Variants in LRBA observed in about 807,000 individuals in gnomAD.
LRBA encodes LPS responsive beige-like anchor protein, also known as lipopolysaccharide-responsive and beige-like anchor protein.
LRBA carries 176 observed loss-of-function variants against 330.0 expected under a neutral mutation model. The observed-to-expected ratio is 0.53, with a 90% confidence interval of 0.47 to 0.60. LRBA has a LOEUF of 0.60. Among genes scored for constraint, LRBA ranks in the 20% least tolerant of loss-of-function variants. The pLI is 0.00. For synonymous variants in LRBA, 1,230 were observed against 1,193.0 expected (o/e 1.03, Z -0.64); for missense variants, 3,259 against 3,444.8 (o/e 0.95, Z 1.35).
intron 48 of LRBA, among the ~76,000 whole-genome samples, chr4:150,331,075 A>C (rs1733934490): frequency 6.6e-6 from 1 of 152,172 alleles, no homozygotes; most frequent in African/African-American, 2.4e-5. Flanking sequence ...TCATTTCTTC[A>C]GATCCAGCAT....
chr4:150,296,033 G>T (rs1337950709), intron 53 of LRBA, among the ~76,000 whole-genome samples: 4 of 152,094 alleles, frequency 2.6e-5, no homozygotes, highest in Admixed American at 6.5e-5. Context: ...TTGCTGAAGT[G>T]AAATCTTATT....
chr4:150,635,362 AAT>A (rs1272906067), intron 37 of LRBA, among the ~76,000 whole-genome samples: 1 of 152,188 alleles, frequency 6.6e-6, no homozygotes, highest in African/African-American at 2.4e-5. Flanking sequence ...TGCTTACCCA[AAT>A]ATATGTTAAT....
chr4:150,515,960 T>C (rs915186960), intron 40 of LRBA, among the ~76,000 whole-genome samples: 2 of 151,930 alleles, frequency 1.3e-5, no homozygotes, highest in Admixed American at 1.3e-4. Flanking sequence ...GAAAATACCA[T>C]TAAAATGTAA....
At chr4:150,957,517 CA>C (rs1384804879) in intron 2 of LRBA, among the ~76,000 whole-genome samples, 3 of 148,364 alleles carry the variant, frequency 2.0e-5, no homozygotes, top group Non-Finnish European at 4.4e-5. Context: ...GGGACACAGC[CA>C]AACCATATCA....
chr4:150,300,347 T>C (rs1580943759), intron 53 of LRBA, among the ~76,000 whole-genome samples: 1 of 152,106 alleles, frequency 6.6e-6, no homozygotes, highest in South Asian at 2.1e-4. Flanking sequence ...TGTTATATTA[T>C]TCTTTTATTG....
intron 2 of LRBA, among the ~76,000 whole-genome samples, chr4:150,953,954 G>A (rs1439339430): frequency 7.5e-4 from 22 of 29,302 alleles, no homozygotes; most frequent in Admixed American, 1.9e-3. Flanking sequence ...CTGGGATGTG[G>A]GGAGCGCCTC....
chr4:150,609,612 G>A (rs987411683), intron 37 of LRBA, among the ~76,000 whole-genome samples: 12 of 152,138 alleles, frequency 7.9e-5, no homozygotes, highest in Non-Finnish European at 1.6e-4. Flanking sequence ...ACAGATACAT[G>A]GATTACTGGT....
intron 48 of LRBA, among the ~76,000 whole-genome samples, chr4:150,344,088 GTCTGACATGCTTCCC>G (rs1735946544): frequency 6.6e-6 from 1 of 152,034 alleles, no homozygotes; most frequent in Non-Finnish European, 1.5e-5. Context: ...TCTCCTGCAT[GTCTGACATGCTTCCC>G]TCCTTTTGGA....
chr4:150,646,016 G>A (rs970696019), intron 37 of LRBA, among the ~76,000 whole-genome samples: 1 of 151,112 alleles, frequency 6.6e-6, no homozygotes, highest in Non-Finnish European at 1.5e-5. Context: ...TTGTTACACA[G>A]GTATTTATAT....
At chr4:150,440,646 T>C (rs997169505) in intron 44 of LRBA, among the ~76,000 whole-genome samples, 2 of 151,888 alleles carry the variant, frequency 1.3e-5, no homozygotes, top group African/African-American at 2.4e-5. Context: ...TGGTGGTGTA[T>C]GCCTATAGTC....
chr4:150,998,075 G>C (rs1308414179), intron 2 of LRBA, among the ~76,000 whole-genome samples: 1 of 151,794 alleles, frequency 6.6e-6, no homozygotes, highest in Non-Finnish European at 1.5e-5. Flanking sequence ...GTCTCGGCCG[G>C]GCACGGTGGC....
chr4:150,549,515 T>G (rs1766311350), intron 40 of LRBA, among the ~76,000 whole-genome samples: 1 of 152,018 alleles, frequency 6.6e-6, no homozygotes. Flanking sequence ...GTATTTTTAG[T>G]AGAGACAGGG....
chr4:150,470,595 T>G (rs1755978578), intron 43 of LRBA, among the ~76,000 whole-genome samples: 1 of 152,124 alleles, frequency 6.6e-6, no homozygotes, highest in South Asian at 2.1e-4. Context: ...CTAGAAAGTC[T>G]GCCGGCACAG....
chr4:150,540,288 C>T (rs569729769), intron 40 of LRBA, among the ~76,000 whole-genome samples: 4 of 152,240 alleles, frequency 2.6e-5, no homozygotes, highest in Admixed American at 6.5e-5. Flanking sequence ...GGCGCGATCT[C>T]GGCTCACTGC....
At chr4:150,286,687 G>A (rs1303243277) in intron 53 of LRBA, among the ~76,000 whole-genome samples, 1 of 152,102 alleles carries the variant, frequency 6.6e-6, no homozygotes, top group African/African-American at 2.4e-5. Context: ...AATGAGGGGC[G>A]GTGGGTAGAG....
chr4:150,471,736 A>T lies in LRBA; in HGVS notation c.6555T>A (p.Arg2185=). The change falls in exon 43 of 57, where the codon CGT becomes CGA. Residue 2185 remains arginine (R), a synonymous_variant. Transcript: ENST00000651943. ...GTSFGLPQTR[R]ISLASPRQLF... is the part of the protein sequence containing the mutation. The stretch of plus-strand genomic sequence containing the variant: ...GCTGACGTGGACTAGCTAATGAAAT[A>T]CGTCTGCAAGAAAAAGAATTCAATG... The T allele has an allele frequency of 6.9e-7, 1 of 1,449,708 alleles. No individual in the cohort carries two copies. The highest frequency in any genetic ancestry group is 9.6e-7 in the Non-Finnish European group (1 of 1,040,198). The allele number at this position is 1,449,708 out of a possible 1,614,324, so 89.8% of individuals were successfully genotyped here. A position where few individuals can be genotyped will look rare whatever the true frequency, so the allele number is the denominator to read the frequency against.
chr4:150,988,755 T>G (rs754172033), intron 2 of LRBA, among the ~76,000 whole-genome samples: 28 of 152,076 alleles, frequency 1.8e-4, no homozygotes, highest in Non-Finnish European at 3.2e-4. Context: ...ATTTTTGTAT[T>G]TTCAGTAGAG....
chr4:150,780,202 G>GA (rs572276039), intron 34 of LRBA, among the ~76,000 whole-genome samples: 199 of 152,220 alleles, frequency 1.3e-3, no homozygotes, highest in Admixed American at 5.1e-3. Flanking sequence ...TGGTTAATAT[G>GA]AAAATGAGAT....
intron 46 of LRBA, among the ~76,000 whole-genome samples, chr4:150,424,667 G>C (rs1329520063): frequency 6.6e-6 from 1 of 152,126 alleles, no homozygotes; most frequent in Non-Finnish European, 1.5e-5. Context: ...ATGGGTACCA[G>C]GTAGACACAC....
Sources: gnomAD v4.1 joint callset for allele counts (sites outside exome capture counted in the v4.1 genomes callset) on GRCh38, gnomAD v4.1.1 for gene constraint, MANE v1.5 for transcripts, NCBI Gene and HGNC (gene_info 2026-07-23, HGNC 2026-07-21) for gene names.